PDZD2: variants seen among roughly 807,000 people sequenced by gnomAD.
The protein encoded by PDZD2 is PDZ domain-containing protein 2.
PDZD2 carries 90 observed loss-of-function variants against 220.7 expected under a neutral mutation model. That is an observed-to-expected ratio of 0.41 (90% CI 0.34 to 0.49). PDZD2 has a LOEUF of 0.49. Ranked by LOEUF, PDZD2 falls within the 20% of genes least tolerant of loss-of-function variation. The pLI, the probability that PDZD2 is intolerant of heterozygous loss-of-function variation, is 0.28. For synonymous variants in PDZD2, 1,375 were observed against 1,450.5 expected (o/e 0.95, Z 1.18); for missense variants, 3,174 against 3,608.5 (o/e 0.88, Z 3.08).
In PDZD2 at chr5:31,799,450, A is replaced by G; in HGVS notation, c.202A>G (p.Ile68Val). ...PPDHSPPEME[I>V]CTVYLTKELG... ...TGATCACAGCCCCCCCGAAATGGAG[A>G]TCTGTACTGTGTACCTCACCAAGGA... Residue 68 changes from isoleucine (I) to valine (V), a missense_variant, in exon 2 of 25, where the codon ATC becomes GTC. Around this residue, in one of 4 missense-constraint regions of PDZD2, gnomAD observed 632 missense variants for 708.1 expected, o/e 0.89. Coordinates refer to ENST00000438447, the MANE Select transcript of PDZD2 (RefSeq NM_178140.4). The G allele has an allele frequency of 1.2e-6, 2 of 1,614,138 alleles. No individual in the cohort carries two copies. Among genetic ancestry groups the G allele is most frequent in the Non-Finnish European group, 1.7e-6 (2 of 1,180,010 alleles).
chr5:31,893,426 ACAC>A (rs1741244637), intron 2 of PDZD2, among the ~76,000 whole-genome samples: 1 of 152,080 alleles, frequency 6.6e-6, no homozygotes, highest in African/African-American at 2.4e-5. Flanking sequence ...AAAATTAGCC[ACAC>A]GTGGTGGTCC....
intron 3 of PDZD2, among the ~76,000 whole-genome samples, chr5:31,992,297 G>A (rs557319271): frequency 1.3e-5 from 2 of 152,256 alleles, no homozygotes; most frequent in South Asian, 4.1e-4. Context: ...AGTGATTTCT[G>A]CCCTCTGAAG....
chr5:31,940,038 C>A (rs1455655813), intron 2 of PDZD2, among the ~76,000 whole-genome samples: 1 of 152,212 alleles, frequency 6.6e-6, no homozygotes, highest in African/African-American at 2.4e-5. Context: ...TGTTTACATA[C>A]AAGCTGTGCC....
intron 2 of PDZD2, among the ~76,000 whole-genome samples, chr5:31,971,654 A>G (rs771789050): frequency 6.6e-6 from 1 of 152,184 alleles, no homozygotes; most frequent in Non-Finnish European, 1.5e-5. Flanking sequence ...CCTCACTGGA[A>G]TTCCTGTAGA....
intron 1 of PDZD2, among the ~76,000 whole-genome samples, chr5:31,664,407 C>T (rs1432601606): frequency 6.6e-6 from 1 of 151,928 alleles, no homozygotes; most frequent in Non-Finnish European, 1.5e-5. Context: ...CTTATACAGG[C>T]CAGGGCCATC....
At chr5:31,737,167 CTTTTTTTT>C (rs57379430) in intron 1 of PDZD2, among the ~76,000 whole-genome samples, 4 of 66,300 alleles carry the variant, frequency 6.0e-5, no homozygotes, top group African/African-American at 2.6e-4. Flanking sequence ...CAGTCTACTT[CTTTTTTTT>C]TTTTTTTTTT....
chr5:31,682,578 T>A (rs550341826), intron 1 of PDZD2, among the ~76,000 whole-genome samples: 24 of 152,290 alleles, frequency 1.6e-4, no homozygotes, highest in African/African-American at 4.1e-4. Flanking sequence ...TAAGCACTAA[T>A]CCCCATTTAA....
chr5:32,021,001 C>G (rs865787516), intron 6 of PDZD2, among the ~76,000 whole-genome samples: 1 of 150,342 alleles, frequency 6.7e-6, no homozygotes, highest in Non-Finnish European at 1.5e-5. Flanking sequence ...CATTGGGTGC[C>G]GGGGGGAAAA....
At chr5:32,094,715 ATTAAAT>A (rs1225994610) in intron 21 of PDZD2, among the ~76,000 whole-genome samples, 6 of 151,222 alleles carry the variant, frequency 4.0e-5, no homozygotes, top group African/African-American at 7.3e-5. Flanking sequence ...AAAAAAAAAG[ATTAAAT>A]TTAAAAAATT....
At chr5:31,970,582 G>T (rs2111777033) in intron 2 of PDZD2, among the ~76,000 whole-genome samples, 1 of 152,114 alleles carries the variant, frequency 6.6e-6, no homozygotes, top group Non-Finnish European at 1.5e-5. Context: ...CTTGAACCTG[G>T]GAGGTGGAAG....
At chr5:31,834,509 G>A (rs1580851959) in intron 2 of PDZD2, among the ~76,000 whole-genome samples, 1 of 152,284 alleles carries the variant, frequency 6.6e-6, no homozygotes, top group East Asian at 1.9e-4. Context: ...ATAGAGAAAA[G>A]GATCTAAACT....
chr5:31,778,742 C>T (rs955040314), intron 1 of PDZD2, among the ~76,000 whole-genome samples: 10 of 152,256 alleles, frequency 6.6e-5, no homozygotes, highest in East Asian at 1.9e-4. Context: ...CCACCAATTC[C>T]GGACACACTG....
chr5:31,935,348 A>G (rs1745632217), intron 2 of PDZD2, among the ~76,000 whole-genome samples: 2 of 152,144 alleles, frequency 1.3e-5, no homozygotes, highest in Non-Finnish European at 2.9e-5. Flanking sequence ...CATAATAGAA[A>G]CTACTATATA....
At chr5:31,651,921 G>A (rs1197894375) in intron 1 of PDZD2, among the ~76,000 whole-genome samples, 4 of 150,640 alleles carry the variant, frequency 2.7e-5, no homozygotes. Flanking sequence ...CTGGGTTCAA[G>A]CAATTTTCCT....
intron 2 of PDZD2, among the ~76,000 whole-genome samples, chr5:31,886,702 C>T (rs113841210): frequency 2.3e-5 from 3 of 129,872 alleles, no homozygotes; most frequent in African/African-American, 1.2e-4. Flanking sequence ...GTCTCTGTCT[C>T]TTTTTTTTTT....
intron 2 of PDZD2, among the ~76,000 whole-genome samples, chr5:31,947,671 G>A (rs1746764140): frequency 6.6e-6 from 1 of 152,170 alleles, no homozygotes; most frequent in Non-Finnish European, 1.5e-5. Context: ...GCAAAAATTA[G>A]CTGGGCGTGG....
Position 32,098,201 on chromosome 5 carries a change from C to T in PDZD2, c.7948-163C>T, listed in dbSNP as rs553798271. Among the ~76,000 whole-genome samples, 3 of 152,242 alleles carry T rather than the reference C, an allele frequency of 2.0e-5. No individual in the cohort carries two copies. Among genetic ancestry groups the T allele is most frequent in the East Asian group, 1.9e-4 (1 of 5,184 alleles). On this transcript the variant is annotated intron_variant, in intron 22 of 24. Coordinates refer to ENST00000438447, the MANE Select transcript of PDZD2 (RefSeq NM_178140.4). The surrounding 1 kb of genome is among the most constrained non-coding windows in gnomAD (Gnocchi z 4.1). Reference sequence around the variant, plus strand: ...TGAACCCGGGAGGCTGAGATTGCACCACTGTACTCCAGCCTGGGTGACACA... The same window carrying T: ...TGAACCCGGGAGGCTGAGATTGCACTACTGTACTCCAGCCTGGGTGACACA...
intron 1 of PDZD2, among the ~76,000 whole-genome samples, chr5:31,662,653 G>A (rs188545182): frequency 1.3e-5 from 2 of 152,108 alleles, no homozygotes; most frequent in Non-Finnish European, 2.9e-5. Flanking sequence ...TTTTTGAGAC[G>A]GAGTCTGGCT....
At chr5:31,821,936 C>A (rs542320051) in intron 2 of PDZD2, among the ~76,000 whole-genome samples, 3 of 150,768 alleles carry the variant, frequency 2.0e-5, no homozygotes, top group Admixed American at 6.6e-5. Context: ...TGAGTGAGAA[C>A]ATGCGGTGTT....
Sources: allele counts gnomAD v4.1 joint callset (sites outside exome capture counted in the v4.1 genomes callset), GRCh38; gene constraint gnomAD v4.1.1; regional missense constraint gnomAD v4.1.1; non-coding constraint Gnocchi (gnomAD v3.1); transcripts MANE v1.5; gene names NCBI Gene and HGNC (gene_info 2026-07-23, HGNC 2026-07-21).